The following C12orf42 variants were observed in gnomAD, a reference collection of about 807,000 sequenced individuals.
C12orf42 encodes uncharacterized protein C12orf42.
In C12orf42, 25 loss-of-function variants were observed where a neutral mutation model predicts 21.6. The ratio of observed to expected loss-of-function variants is 1.16; its 90% CI spans 0.84 to 1.62. C12orf42 has a LOEUF of 1.62. Among genes scored for constraint, C12orf42 ranks in the 40% most tolerant of loss-of-function variants. The probability of loss-of-function intolerance (pLI) is 0.00; values close to 1 mark genes in which losing one functional copy is unlikely to be tolerated. For missense variants in C12orf42, 483 were observed against 459.3 expected (o/e 1.05, Z -0.47); for synonymous variants, 174 against 175.0 (o/e 0.99, Z 0.05).
intron 3 of C12orf42, among the ~76,000 whole-genome samples, chr12:103,399,371 ATTTG>A (rs992389762): frequency 2.7e-5 from 4 of 150,776 alleles, no homozygotes; most frequent in Admixed American, 6.6e-5. Flanking sequence ...GTTGTTGTTT[ATTTG>A]TTTGTTTGTT....
At chr12:103,360,209 T>C (rs1272968991) in intron 4 of C12orf42, among the ~76,000 whole-genome samples, 1 of 150,518 alleles carries the variant, frequency 6.6e-6, no homozygotes. Context: ...AAAAAATTAA[T>C]GGTTCCCATT....
chr12:103,279,155 C>A (rs2035950649), intron 4 of C12orf42, among the ~76,000 whole-genome samples: 4 of 152,136 alleles, frequency 2.6e-5, no homozygotes, highest in African/African-American at 9.7e-5. Context: ...CCACATCATG[C>A]CTATAGTTCA....
chr12:103,269,397 C>A (rs1019313101), intron 6 of C12orf42, among the ~76,000 whole-genome samples: 9 of 151,952 alleles, frequency 5.9e-5, no homozygotes, highest in African/African-American at 2.2e-4. Context: ...ATTGACAGGG[C>A]CATACTCATA....
intron 4 of C12orf42, among the ~76,000 whole-genome samples, chr12:103,362,450 C>T (rs1328612135): frequency 6.6e-6 from 1 of 152,106 alleles, no homozygotes; most frequent in Non-Finnish European, 1.5e-5. Context: ...AAACAAGGTT[C>T]TTTACCACCC....
At chr12:103,344,727 C>T (rs1459861859) in intron 4 of C12orf42, among the ~76,000 whole-genome samples, 2 of 152,080 alleles carry the variant, frequency 1.3e-5, no homozygotes, top group African/African-American at 4.8e-5. Flanking sequence ...TTTTGGGCTG[C>T]CTATGATCAT....
chr12:103,319,685 G>C lies in C12orf42; in HGVS notation c.260-13340C>G, dbSNP rs141391248. ...ATAGTTCAAAGATTGCCCTATGGCC[G>C]TCTGGCCAATACATCTTCTAACACA... On this transcript the variant is annotated intron_variant, in intron 4 of 5. Transcript: ENST00000548883. Among the ~76,000 whole-genome samples the C allele has an allele frequency of 1.8e-3, 279 of 152,298 alleles. 1 individual carries two copies. Among genetic ancestry groups the C allele is most frequent in the African/African-American group, 6.4e-3 (267 of 41,550 alleles).
At chr12:103,051,617 C>T in the C12orf42 span, among the ~76,000 whole-genome samples, 1 of 152,174 alleles carries the variant, frequency 6.6e-6, no homozygotes, top group African/African-American at 2.4e-5. Context: ...AAAAAGCCAT[C>T]CGCATTTATG....
intron 2 of C12orf42, among the ~76,000 whole-genome samples, chr12:103,408,830 T>C (rs752658742): frequency 1.3e-5 from 2 of 152,206 alleles, no homozygotes; most frequent in Non-Finnish European, 2.9e-5. Flanking sequence ...CAAAAGTGCA[T>C]CTGCTGGTAA....
At chr12:103,088,869 C>A in the C12orf42 span, among the ~76,000 whole-genome samples, 2 of 151,980 alleles carry the variant, frequency 1.3e-5, no homozygotes, top group African/African-American at 4.8e-5. Flanking sequence ...TTTGGGAGGC[C>A]GAGGAGGCCA....
intron 10 of C12orf42, among the ~76,000 whole-genome samples, chr12:103,254,718 A>C (rs954597705): frequency 3.3e-5 from 5 of 152,214 alleles, no homozygotes; most frequent in Admixed American, 2.6e-4. Context: ...CAATGAGAAT[A>C]CATGGACACA....
intron 1 of C12orf42, among the ~76,000 whole-genome samples, chr12:103,490,830 C>T (rs751894132): frequency 2.6e-5 from 4 of 151,726 alleles, no homozygotes; most frequent in African/African-American, 4.8e-5. Context: ...ATAGAATTCC[C>T]ATATGATTAT....
chr12:103,428,043 C>T (rs564210078), intron 2 of C12orf42, among the ~76,000 whole-genome samples: 2 of 151,934 alleles, frequency 1.3e-5, no homozygotes. Context: ...AAATTGATGC[C>T]CTAACATCAC....
the C12orf42 span, among the ~76,000 whole-genome samples, chr12:103,100,968 A>G: frequency 2.0e-5 from 3 of 152,220 alleles, no homozygotes; most frequent in African/African-American, 7.2e-5. Flanking sequence ...GGGATGTGGT[A>G]GTGAGGTGGA....
intron 10 of C12orf42, among the ~76,000 whole-genome samples, chr12:103,256,124 A>G (rs534884068): frequency 1.1e-5 from 1 of 88,908 alleles, no homozygotes; most frequent in African/African-American, 4.0e-5. Context: ...ACACACACAC[A>G]CACACACACA....
At chr12:103,400,140 G>A (rs1441283406) in intron 3 of C12orf42, among the ~76,000 whole-genome samples, 1 of 152,090 alleles carries the variant, frequency 6.6e-6, no homozygotes, top group Non-Finnish European at 1.5e-5. Flanking sequence ...AGAGAGGAAG[G>A]GATGATGCAA....
the C12orf42 span, among the ~76,000 whole-genome samples, chr12:103,109,207 T>C: frequency 2.6e-5 from 4 of 152,144 alleles, no homozygotes; most frequent in Non-Finnish European, 5.9e-5. Context: ...TAAAGCTAGA[T>C]TAATAAAATC....
the C12orf42 span, among the ~76,000 whole-genome samples, chr12:103,114,092 A>C: frequency 6.6e-5 from 10 of 152,218 alleles, no homozygotes; most frequent in African/African-American, 2.4e-4. Context: ...AAACTAACAA[A>C]CAACCTTTAA....
chr12:103,379,558 T>C (rs913890506), intron 3 of C12orf42, among the ~76,000 whole-genome samples: 2 of 152,298 alleles, frequency 1.3e-5, no homozygotes, highest in East Asian at 1.9e-4. Flanking sequence ...TAAGAAAACA[T>C]AAATTCAAGT....
At chr12:103,334,509 G>C (rs747530996) in intron 4 of C12orf42, among the ~76,000 whole-genome samples, 2 of 151,966 alleles carry the variant, frequency 1.3e-5, no homozygotes, top group African/African-American at 4.8e-5. Flanking sequence ...TCAAAATTAC[G>C]CTGTGGCTTT....
Sources: gnomAD v4.1 joint callset for allele counts (sites outside exome capture counted in the v4.1 genomes callset) on GRCh38, gnomAD v4.1.1 for gene constraint, MANE v1.5 for transcripts, NCBI Gene and HGNC (gene_info 2026-07-23, HGNC 2026-07-21) for gene names.